HM13: variants seen among roughly 807,000 people sequenced by gnomAD.
The protein encoded by HM13 is histocompatibility minor 13.
HM13 carries 18 observed loss-of-function variants against 50.0 expected under a neutral mutation model. The ratio of observed to expected loss-of-function variants is 0.36; its 90% CI spans 0.25 to 0.53. The LOEUF (loss-of-function observed/expected upper bound fraction) is 0.53, where lower values mean the gene tolerates loss of function less well. Ranked by LOEUF, HM13 falls within the 20% of genes least tolerant of loss-of-function variation. The pLI, the probability that HM13 is intolerant of heterozygous loss-of-function variation, is 0.90. For synonymous variants in HM13, 197 were observed against 232.6 expected, an observed-to-expected ratio of 0.85 and a Z score of 1.39; for missense variants, 393 against 552.4, an observed-to-expected ratio of 0.71 and a Z score of 2.89.
chr20:31,546,067 C>G (rs1271856868), intron 4 of HM13, among the ~76,000 whole-genome samples: 1 of 63,396 alleles, frequency 1.6e-5, no homozygotes, highest in Non-Finnish European at 3.1e-5. Flanking sequence ...TTTTTTTTTT[C>G]GAGACAGGGT....
At chr20:31,561,805 T>C in intron 10 of HM13, 69 bp downstream of exon 10, 1 of 1,114,598 alleles carries the variant, frequency 9.0e-7, no homozygotes, top group Admixed American at 1.7e-5. Flanking sequence ...GAGGGATTTA[T>C]TTGTAAATGC....
chr20:31,561,800 A>T (rs775546418), intron 10 of HM13, 64 bp downstream of exon 10: 10 of 1,152,526 alleles, frequency 8.7e-6, no homozygotes, highest in Non-Finnish European at 1.3e-5. Context: ...TTACAGAGGG[A>T]TTTATTTGTA....
At chr20:31,550,954 G>A (rs1984007119) in intron 7 of HM13, among the ~76,000 whole-genome samples, 3 of 152,120 alleles carry the variant, frequency 2.0e-5, no homozygotes, top group African/African-American at 2.4e-5. Flanking sequence ...TTCCAGCCTG[G>A]ATGACAGAAT....
intron 11 of HM13, among the ~76,000 whole-genome samples, chr20:31,566,629 G>A (rs984925042): frequency 1.3e-5 from 2 of 152,014 alleles, no homozygotes; most frequent in African/African-American, 4.8e-5. Flanking sequence ...GTGACTTCAG[G>A]CATGTCTTCC....
At chr20:31,519,789 CTG>C (rs1460222255) in intron 1 of HM13, among the ~76,000 whole-genome samples, 1 of 150,594 alleles carries the variant, frequency 6.6e-6, no homozygotes, top group African/African-American at 2.4e-5. Flanking sequence ...TCACACTTGT[CTG>C]TGTATTTGTG....
At position 31,549,178 on chromosome 20, in the gene HM13, A is replaced by G. The variant is rs1428067406; in HGVS notation, c.541-29A>G. The G allele has an allele frequency of 1.9e-6, 3 of 1,614,170 alleles. No homozygotes were observed. The Admixed American group carries it at 5.0e-5, about 27-fold the overall frequency. On this transcript the variant is annotated intron_variant, in intron 5 of 12. Coordinates refer to ENST00000398174, the MANE Select transcript of HM13 (RefSeq NM_178581.3). ...TTGACAGGGCAGGGTGGGTCACAGCAAGCTGGTCTCACTCCCCGCTTTCCT... is the reference window on the plus strand; with the variant it reads ...TTGACAGGGCAGGGTGGGTCACAGCGAGCTGGTCTCACTCCCCGCTTTCCT...
chr20:31,554,083 C>G (rs559997283), intron 7 of HM13, among the ~76,000 whole-genome samples: 1 of 152,260 alleles, frequency 6.6e-6, no homozygotes, highest in South Asian at 2.1e-4. Context: ...TATTCCTCCC[C>G]ACTCTAACCA....
At chr20:31,515,963 C>G (rs1372342211) in intron 1 of HM13, among the ~76,000 whole-genome samples, 1 of 152,180 alleles carries the variant, frequency 6.6e-6, no homozygotes, top group Non-Finnish European at 1.5e-5. Flanking sequence ...AAAACACTAC[C>G]CAACTTGAGC....
chr20:31,542,386 A>G (rs1983496194), intron 3 of HM13, among the ~76,000 whole-genome samples: 1 of 152,198 alleles, frequency 6.6e-6, no homozygotes, highest in South Asian at 2.1e-4. Context: ...CAGAGGAGGA[A>G]GCCACATCAC....
At position 31,554,621 on chromosome 20, in the gene HM13, G is replaced by T. The variant is rs575894834; in HGVS notation, c.725-125G>T. The stretch of plus-strand genomic sequence containing the variant: ...GGCATGAACCCAGGAGATGGAGCTT[G>T]CAGTGAGCCGAGATTGCGCCACTGC... On this transcript the variant is annotated intron_variant, in intron 7 of 12. Coordinates refer to ENST00000398174, the MANE Select transcript of HM13 (RefSeq NM_178581.3). 20 of 685,032 alleles carry T rather than the reference G, an allele frequency of 2.9e-5. 1 individual carries two copies. In the East Asian group the frequency reaches 5.1e-4, roughly 18 times the overall value. 42.4% of individuals were successfully genotyped at this position (685,032 alleles called of 1,614,324 possible).
At chr20:31,538,323 G>C in intron 3 of HM13, 62 bp downstream of exon 3, 2 of 1,613,816 alleles carry the variant, frequency 1.2e-6, no homozygotes, top group Non-Finnish European at 1.7e-6. Flanking sequence ...ACAGGGTCTT[G>C]GATGAGAACA....
rs185465632 is a variant in HM13 at position 31,524,499 on chromosome 20, G to T, written c.184-2985G>T. ...TGTATTGCCTAGTTGCTTTCTACAGGAAGACAGATTGACTCCCATAGGCAG... is the reference window on the plus strand; with the variant it reads ...TGTATTGCCTAGTTGCTTTCTACAGTAAGACAGATTGACTCCCATAGGCAG... On this transcript the variant is annotated intron_variant, in intron 1 of 12. Transcript: ENST00000398174. 1.6e-4 allele frequency among the ~76,000 whole-genome samples: 25 copies of T among 152,200 alleles called. No homozygotes were observed. The East Asian group carries it at 4.4e-3, about 27-fold the overall frequency.
At position 31,566,249 on chromosome 20, in the gene HM13, C is replaced by T; in HGVS notation, c.988C>T (p.Pro330Ser). The T allele has an allele frequency of 1.2e-6, 2 of 1,614,036 alleles. No individual in the cohort carries two copies. Among genetic ancestry groups the T allele is most frequent in the Non-Finnish European group, 1.7e-6 (2 of 1,179,970 alleles). The change falls in exon 11 of 13, where the codon CCT becomes TCT. Residue 330 changes from proline (P) to serine (S), a missense_variant. By Grantham distance (74) the Pro-to-Ser change is moderately conservative. Coordinates refer to ENST00000398174, the MANE Select transcript of HM13 (RefSeq NM_178581.3). ...LYLVPACIGFPVLVALAKGEV... is the reference protein window; with the variant it reads ...LYLVPACIGFSVLVALAKGEV... ...CCTGGTCCCCGCCTGCATCGGTTTT[C>T]CTGTCCTGGTGGCGCTGGCCAAGGG... is the stretch of plus-strand genomic sequence containing the variant.
chr20:31,568,296 C>T (rs1483460715), intron 12 of HM13, 72 bp downstream of exon 12: 5 of 1,567,852 alleles, frequency 3.2e-6, no homozygotes, highest in Non-Finnish European at 4.3e-6. Context: ...GCAGACACTG[C>T]AGCTCCAGTG....
At chr20:31,525,947 G>A (rs751927454) in intron 1 of HM13, among the ~76,000 whole-genome samples, 4 of 151,846 alleles carry the variant, frequency 2.6e-5, no homozygotes, top group Non-Finnish European at 5.9e-5. Flanking sequence ...CCGACATTGT[G>A]AAACCCCCTC....
intron 10 of HM13, among the ~76,000 whole-genome samples, chr20:31,564,702 G>A (rs184140524): frequency 7.9e-5 from 12 of 151,840 alleles, no homozygotes; most frequent in Middle Eastern, 3.4e-3. Context: ...TGGTGAAACC[G>A]CATCTCTACT....
chr20:31,547,013 A>G (rs1253927863), intron 4 of HM13, among the ~76,000 whole-genome samples: 1 of 152,204 alleles, frequency 6.6e-6, no homozygotes, highest in Non-Finnish European at 1.5e-5. Context: ...TCCGCCATAT[A>G]CAGCACTGGC....
At chr20:31,567,219 C>A (rs1984974866) in intron 11 of HM13, among the ~76,000 whole-genome samples, 2 of 152,176 alleles carry the variant, frequency 1.3e-5, no homozygotes, top group African/African-American at 4.8e-5. Context: ...GGGGACAGGT[C>A]TCAGGGAGCT....
chr20:31,515,329 C>T (rs1326455223), intron 1 of HM13, among the ~76,000 whole-genome samples: 1 of 152,172 alleles, frequency 6.6e-6, no homozygotes, highest in Non-Finnish European at 1.5e-5. Context: ...TCTCTTAGAG[C>T]CCAGTTTTTC....
Sources: gnomAD v4.1 joint callset for allele counts (sites outside exome capture counted in the v4.1 genomes callset) on GRCh38, gnomAD v4.1.1 for gene constraint, MANE v1.5 for transcripts, NCBI Gene and HGNC (gene_info 2026-07-23, HGNC 2026-07-21) for gene names.